Variants in PLD1 observed in about 807,000 individuals in gnomAD.
The protein encoded by PLD1 is phospholipase D1.
In PLD1, 112 loss-of-function variants were observed where a neutral mutation model predicts 137.1. The ratio of observed to expected loss-of-function variants is 0.82; its 90% CI spans 0.70 to 0.96. PLD1 has a LOEUF of 0.96. PLD1 is among the 40% of genes least tolerant of loss of function. The pLI, the probability that PLD1 is intolerant of heterozygous loss-of-function variation, is 0.00. For missense variants in PLD1, 1,321 were observed against 1,342.0 expected (o/e 0.98, Z 0.24); for synonymous variants, 431 against 454.7 (o/e 0.95, Z 0.66).
At chr3:171,671,960 G>A (rs1359731532) in intron 19 of PLD1, among the ~76,000 whole-genome samples, 1 of 151,326 alleles carries the variant, frequency 6.6e-6, no homozygotes, top group Non-Finnish European at 1.5e-5. Flanking sequence ...AAATTCACTA[G>A]GACAGCACTC....
intron 1 of PLD1, among the ~76,000 whole-genome samples, chr3:171,783,993 T>C (rs7642988): frequency 0.75 from 113,424 of 152,140 alleles, 43,941 homozygotes; most frequent in Middle Eastern, 0.9. Flanking sequence ...GACTCTTGTC[T>C]TATACTCTCT....
At chr3:171,738,646 CT>C (rs1319341051) in intron 1 of PLD1, among the ~76,000 whole-genome samples, 1 of 152,132 alleles carries the variant, frequency 6.6e-6, no homozygotes, top group African/African-American at 2.4e-5. Flanking sequence ...TTGGCCATGA[CT>C]TTACGTGAGG....
chr3:171,726,130 C>T, intron 6 of PLD1, 54 bp from the exon 7 acceptor site: 3 of 1,134,800 alleles, frequency 2.6e-6, no homozygotes, highest in South Asian at 1.2e-5. Context: ...CAAATTTATG[C>T]ATTAAAAAAC....
chr3:171,642,045 A>G (rs1160136399), intron 23 of PLD1, among the ~76,000 whole-genome samples: 1 of 152,194 alleles, frequency 6.6e-6, no homozygotes, highest in African/African-American at 2.4e-5. Context: ...GCACAGAGAT[A>G]TAGAGCAATA....
intron 6 of PLD1, among the ~76,000 whole-genome samples, chr3:171,728,742 A>G (rs1718717459): frequency 6.6e-6 from 1 of 152,240 alleles, no homozygotes; most frequent in Non-Finnish European, 1.5e-5. Context: ...CTCTGAAATC[A>G]TTCAGAAATC....
chr3:171,621,709 T>C (rs184489845), intron 23 of PLD1, among the ~76,000 whole-genome samples: 3 of 152,310 alleles, frequency 2.0e-5, no homozygotes, highest in East Asian at 1.9e-4. Context: ...GTGTAAGAGA[T>C]GCATTTCTAA....
chr3:171,757,841 A>G (rs1721132117), intron 1 of PLD1, among the ~76,000 whole-genome samples: 1 of 152,218 alleles, frequency 6.6e-6, no homozygotes, highest in South Asian at 2.1e-4. Context: ...GAACATGTTC[A>G]ATTCACTGAT....
chr3:171,702,746 C>A (rs1716356544), intron 11 of PLD1, among the ~76,000 whole-genome samples: 1 of 152,098 alleles, frequency 6.6e-6, no homozygotes, highest in African/African-American at 2.4e-5. Context: ...GCCAACTTTA[C>A]AGAATTTATT....
chr3:171,687,003 A>G (rs1714630555), intron 15 of PLD1, among the ~76,000 whole-genome samples: 1 of 152,234 alleles, frequency 6.6e-6, no homozygotes, highest in Non-Finnish European at 1.5e-5. Flanking sequence ...TTGACGAAAT[A>G]AGCTTGATAT....
At chr3:171,746,948 C>A (rs1720255009) in intron 1 of PLD1, among the ~76,000 whole-genome samples, 1 of 152,214 alleles carries the variant, frequency 6.6e-6, no homozygotes, top group Non-Finnish European at 1.5e-5. Context: ...TTTGGGTCTG[C>A]ACTGCTTTTA....
At chr3:171,748,732 A>G (rs1003273293) in intron 1 of PLD1, among the ~76,000 whole-genome samples, 1 of 151,700 alleles carries the variant, frequency 6.6e-6, no homozygotes, top group Non-Finnish European at 1.5e-5. Context: ...GTAACTTGAA[A>G]TATGACTCTC....
At chr3:171,754,217 A>G (rs1285375015) in intron 1 of PLD1, among the ~76,000 whole-genome samples, 1 of 152,178 alleles carries the variant, frequency 6.6e-6, no homozygotes, top group East Asian at 1.9e-4. Flanking sequence ...TTGGGTTCTC[A>G]GTCACTGTTT....
chr3:171,688,791 G>T lies in PLD1; in HGVS notation c.1424C>A (p.Ala475Asp). The change falls in exon 14 of 27, where the codon GCC becomes GAC. Residue 475 changes from alanine (A) to aspartate (D), a missense_variant. Physicochemically the swap from Ala to Asp is moderately radical, Grantham distance 126 (BLOSUM62 -2). Transcript: ENST00000351298. ...GGCCAGGTCAATCCCTCCCACAAAGGCCACCGATTGGTCAATGATGACAAG... is the reference window on the plus strand; with the variant it reads ...GGCCAGGTCAATCCCTCCCACAAAGTCCACCGATTGGTCAATGATGACAAG... Reference protein sequence around the residue: ...EKLVIIDQSVAFVGGIDLAYG... With the variant: ...EKLVIIDQSVDFVGGIDLAYG... 1 of 1,613,970 alleles carries T rather than the reference G, an allele frequency of 6.2e-7. No homozygotes were observed. The highest frequency in any genetic ancestry group is 8.5e-7 in the Non-Finnish European group (1 of 1,179,922).
At chr3:171,710,011 T>C (rs1028311329) in intron 9 of PLD1, among the ~76,000 whole-genome samples, 2 of 152,168 alleles carry the variant, frequency 1.3e-5, no homozygotes, top group African/African-American at 4.8e-5. Flanking sequence ...GTTCTATTTT[T>C]AAGTATTAGT....
At chr3:171,618,881 G>A (rs1420431039) in intron 24 of PLD1, among the ~76,000 whole-genome samples, 1 of 151,334 alleles carries the variant, frequency 6.6e-6, no homozygotes, top group African/African-American at 2.4e-5. Flanking sequence ...GTGTGTGTAT[G>A]TATCTCACCA....
chr3:171,654,514 A>C (rs780086592), intron 21 of PLD1, among the ~76,000 whole-genome samples: 8 of 152,174 alleles, frequency 5.3e-5, no homozygotes, highest in Non-Finnish European at 7.3e-5. Context: ...AAGCAGAAAA[A>C]TTATGCATGT....
At chr3:171,682,172 AAGAAAG>A in intron 16 of PLD1, among the ~76,000 whole-genome samples, 1 of 138,810 alleles carries the variant, frequency 7.2e-6, no homozygotes, top group South Asian at 2.3e-4. Context: ...AAGAAAAAGA[AAGAAAG>A]AAAGAAAGAA....
chr3:171,788,672 G>A (rs1723108004), intron 1 of PLD1: 2 of 152,192 alleles, frequency 1.3e-5, no homozygotes, highest in African/African-American at 4.8e-5. Context: ...CTGTCAAGAT[G>A]ATGACGAAAC....
intron 23 of PLD1, among the ~76,000 whole-genome samples, chr3:171,633,660 C>T (rs1560164467): frequency 6.6e-6 from 1 of 152,122 alleles, no homozygotes; most frequent in Non-Finnish European, 1.5e-5. Context: ...AAATTCAATA[C>T]AATAGACTCA....
Sources: allele counts gnomAD v4.1 joint callset (sites outside exome capture counted in the v4.1 genomes callset), GRCh38; gene constraint gnomAD v4.1.1; transcripts MANE v1.5; gene names NCBI Gene and HGNC (gene_info 2026-07-23, HGNC 2026-07-21).